Variants in CFDP1 observed in about 807,000 individuals in gnomAD.
The protein encoded by CFDP1 is chromatin remodeling protein CFDP1, also known as heterochromatin-stabilizing protein CFDP1.
A neutral mutation model predicts 40.1 loss-of-function variants in CFDP1; 31 were observed. The observed-to-expected ratio is 0.77, with a 90% confidence interval of 0.58 to 1.04. The LOEUF is 1.04. Among genes scored for constraint, CFDP1 ranks in the 50% least tolerant of loss-of-function variants. CFDP1 has a pLI of 0.00. For missense variants in CFDP1, 423 were observed against 343.4 expected, an observed-to-expected ratio of 1.23 and a Z score of -1.83; for synonymous variants, 167 against 120.0, an observed-to-expected ratio of 1.39 and a Z score of -2.56.
At position 75,398,633 on chromosome 16, in the gene CFDP1, G is replaced by C. The variant is rs140904785; in HGVS notation, c.531-3424C>G. 1.5e-3 allele frequency among the ~76,000 whole-genome samples: 225 copies of C among 152,284 alleles called. 1 individual carries two copies. Among genetic ancestry groups the C allele is most frequent in the African/African-American group, 5.3e-3 (222 of 41,576 alleles). ...CTCCAAGTTACCACAAAAGAAGTCT[G>C]GCTACTCTGCAGCCACTATGTTGGA... On this transcript the variant is annotated intron_variant, in intron 4 of 6. Coordinates refer to ENST00000283882, the MANE Select transcript of CFDP1 (RefSeq NM_006324.3).
At chr16:75,330,520 T>A (rs999675902) in intron 5 of CFDP1, among the ~76,000 whole-genome samples, 8 of 152,196 alleles carry the variant, frequency 5.3e-5, no homozygotes, top group African/African-American at 1.9e-4. Context: ...ACCCCAAAGG[T>A]GCAGGTTGCA....
At chr16:75,378,136 G>A (rs935620025) in intron 5 of CFDP1, among the ~76,000 whole-genome samples, 2 of 152,150 alleles carry the variant, frequency 1.3e-5, no homozygotes, top group South Asian at 4.1e-4. Flanking sequence ...ACACAGCAGG[G>A]TTTCTGTGCA....
At chr16:75,419,033 C>T (rs1480786410) in intron 1 of CFDP1, 1 of 402,458 alleles carries the variant, frequency 2.5e-6, no homozygotes. Flanking sequence ...GTTCCATCTA[C>T]TGGGGAGGCT....
At chr16:75,294,149 G>A (rs148717768) in intron 6 of CFDP1, 107 bp from the exon 7 acceptor site, 1 of 793,662 alleles carries the variant, frequency 1.3e-6, no homozygotes, top group Non-Finnish European at 2.1e-6. Flanking sequence ...ATGGTGCCGA[G>A]AGTGACCACC....
chr16:75,429,482 C>G (rs573386524), intron 1 of CFDP1, among the ~76,000 whole-genome samples: 2 of 152,106 alleles, frequency 1.3e-5, no homozygotes, highest in Admixed American at 1.3e-4. Flanking sequence ...GGTGAAACCC[C>G]GTCTCTACTA....
chr16:75,428,978 G>T lies in CFDP1; in HGVS notation c.64+4311C>A, dbSNP rs894425011. ...ATAAAAATACAAAAATTAGCCAGGC[G>T]TGGTGGCATGAACCTGTAGTCCCAG... is the stretch of plus-strand genomic sequence containing the variant. On this transcript the variant is annotated intron_variant, in intron 1 of 6. Transcript: ENST00000283882. Among the ~76,000 whole-genome samples, 20 of 151,702 alleles carry T rather than the reference G, an allele frequency of 1.3e-4. 1 individual carries two copies. Among genetic ancestry groups the T allele is most frequent in the Admixed American group, 1.1e-3 (17 of 15,158 alleles).
At chr16:75,303,070 C>T (rs566932874) in intron 6 of CFDP1, among the ~76,000 whole-genome samples, 66 of 151,690 alleles carry the variant, frequency 4.4e-4, no homozygotes, top group African/African-American at 1.4e-3. Context: ...CGTGTAGGCG[C>T]GCGCCTGTAA....
intron 5 of CFDP1, among the ~76,000 whole-genome samples, chr16:75,346,537 C>A (rs1170976408): frequency 8.0e-6 from 1 of 125,172 alleles, no homozygotes. Flanking sequence ...GAGCCGTGAT[C>A]ATGCCACTGC....
At chr16:75,321,724 A>G (rs1033750346) in intron 5 of CFDP1, among the ~76,000 whole-genome samples, 1 of 152,132 alleles carries the variant, frequency 6.6e-6, no homozygotes, top group African/African-American at 2.4e-5. Flanking sequence ...TTAAACCATA[A>G]ATTTAAGATT....
chr16:75,387,234 G>A (rs113546856), intron 5 of CFDP1, among the ~76,000 whole-genome samples: 9,304 of 151,566 alleles, frequency 0.061, 322 homozygotes, highest in Middle Eastern at 0.13. Flanking sequence ...TCCGCCTCCC[G>A]GGCTCACGCC....
At chr16:75,325,750 A>C (rs896423719) in intron 5 of CFDP1, among the ~76,000 whole-genome samples, 2 of 152,230 alleles carry the variant, frequency 1.3e-5, no homozygotes, top group African/African-American at 2.4e-5. Context: ...ATACATTATA[A>C]ATCCCAGTGA....
At chr16:75,409,645 A>G (rs945079390) in intron 4 of CFDP1, among the ~76,000 whole-genome samples, 17 of 152,156 alleles carry the variant, frequency 1.1e-4, no homozygotes, top group African/African-American at 4.1e-4. Context: ...GCTACAATGG[A>G]GAATGCCCTT....
chr16:75,342,752 G>C (rs1453188024), intron 5 of CFDP1, among the ~76,000 whole-genome samples: 1 of 152,172 alleles, frequency 6.6e-6, no homozygotes, highest in Non-Finnish European at 1.5e-5. Flanking sequence ...AGAAACCACA[G>C]GGCAGTGATT....
chr16:75,299,043 G>A (rs764176488), intron 6 of CFDP1, among the ~76,000 whole-genome samples: 1 of 152,152 alleles, frequency 6.6e-6, no homozygotes, highest in African/African-American at 2.4e-5. Context: ...CCTTAGCACT[G>A]CTAGATGCCA....
At chr16:75,421,114 G>A (rs2079274910) in intron 1 of CFDP1, among the ~76,000 whole-genome samples, 1 of 152,144 alleles carries the variant, frequency 6.6e-6, no homozygotes, top group Non-Finnish European at 1.5e-5. Flanking sequence ...CACTGGGGTG[G>A]AGCCACAGAG....
intron 1 of CFDP1, among the ~76,000 whole-genome samples, chr16:75,426,906 T>G (rs1160164124): frequency 6.6e-6 from 1 of 151,512 alleles, no homozygotes; most frequent in Non-Finnish European, 1.5e-5. Flanking sequence ...AATACAAAAA[T>G]TAGCTGGGTG....
intron 1 of CFDP1, among the ~76,000 whole-genome samples, chr16:75,423,818 G>C (rs978404870): frequency 3.9e-5 from 6 of 152,094 alleles, no homozygotes; most frequent in Non-Finnish European, 8.8e-5. Context: ...GCACTCCTTG[G>C]CCTCCCAAAG....
intron 5 of CFDP1, among the ~76,000 whole-genome samples, chr16:75,364,745 G>C (rs188808006): frequency 6.6e-6 from 1 of 152,266 alleles, no homozygotes; most frequent in Admixed American, 6.5e-5. Flanking sequence ...GTTTACCACT[G>C]TTATTTGAAA....
At chr16:75,393,528 G>A (rs147659597) in intron 5 of CFDP1, among the ~76,000 whole-genome samples, 1,856 of 150,238 alleles carry the variant, frequency 0.012, 33 homozygotes, top group African/African-American at 0.043. Context: ...TCAGGAGATC[G>A]AGACCATCCT....
Sources: allele counts gnomAD v4.1 joint callset (sites outside exome capture counted in the v4.1 genomes callset), GRCh38; gene constraint gnomAD v4.1.1; transcripts MANE v1.5; gene names NCBI Gene and HGNC (gene_info 2026-07-23, HGNC 2026-07-21).